DOCK4: variants seen among roughly 807,000 people sequenced by gnomAD.
The protein encoded by DOCK4 is dedicator of cytokinesis protein 4.
Under a neutral mutation model 268.1 loss-of-function variants are expected in DOCK4, and 97 were observed. That is an observed-to-expected ratio of 0.36 (90% confidence interval 0.31 to 0.43). DOCK4 has a LOEUF of 0.43. Ranked by LOEUF, DOCK4 falls within the 20% of genes least tolerant of loss-of-function variation. The pLI is 1.00. For synonymous variants in DOCK4, 954 were observed against 887.2 expected, an observed-to-expected ratio of 1.08 and a Z score of -1.34; for missense variants, 2,145 against 2,455.7, an observed-to-expected ratio of 0.87 and a Z score of 2.67.
chr7:111,825,334 C>T (rs1259634395), intron 26 of DOCK4, among the ~76,000 whole-genome samples: 2 of 152,124 alleles, frequency 1.3e-5, no homozygotes, highest in African/African-American at 4.8e-5. Context: ...AACTCAGTTC[C>T]AATACTCGAA....
intron 25 of DOCK4, 118 bp from the exon 26 acceptor site, chr7:111,834,804 C>A: frequency 1.6e-6 from 1 of 631,696 alleles, no homozygotes; most frequent in Non-Finnish European, 2.5e-6. Flanking sequence ...CACGATGATC[C>A]AAACTTGCCC....
At chr7:112,141,536 T>C (rs1814930309) in intron 1 of DOCK4, among the ~76,000 whole-genome samples, 2 of 152,148 alleles carry the variant, frequency 1.3e-5, no homozygotes, top group Non-Finnish European at 2.9e-5. Flanking sequence ...GAAGAAGAGA[T>C]TCTGACTCAA....
chr7:111,957,284 ATTG>A (rs1211965890), intron 8 of DOCK4, among the ~76,000 whole-genome samples: 2 of 152,334 alleles, frequency 1.3e-5, no homozygotes, highest in African/African-American at 4.8e-5. Context: ...ATTTTGATTT[ATTG>A]TTAAGAAATG....
intron 6 of DOCK4, among the ~76,000 whole-genome samples, 156 bp from the exon 7 acceptor site, chr7:111,984,546 T>C (rs979395940): frequency 2.0e-5 from 3 of 152,138 alleles, no homozygotes; most frequent in Admixed American, 2.0e-4. Flanking sequence ...GGGTAGACAA[T>C]ATAACTCCGC....
chr7:111,932,639 C>G (rs992353589), intron 12 of DOCK4, among the ~76,000 whole-genome samples: 1 of 151,998 alleles, frequency 6.6e-6, no homozygotes, highest in Non-Finnish European at 1.5e-5. Flanking sequence ...TAATAGCATA[C>G]ATTATTTATC....
At chr7:111,833,119 T>C (rs1282829510) in intron 26 of DOCK4, among the ~76,000 whole-genome samples, 1 of 152,236 alleles carries the variant, frequency 6.6e-6, no homozygotes, top group African/African-American at 2.4e-5. Flanking sequence ...ATTCTTTAAC[T>C]GTGTTAAGAA....
intron 16 of DOCK4, among the ~76,000 whole-genome samples, chr7:111,889,909 G>A (rs903519975): frequency 6.6e-6 from 1 of 152,174 alleles, no homozygotes; most frequent in Non-Finnish European, 1.5e-5. Context: ...CAAAACTCTA[G>A]CTTGTTTGAG....
chr7:111,977,544 T>C (rs539526590), intron 7 of DOCK4, among the ~76,000 whole-genome samples: 3 of 152,298 alleles, frequency 2.0e-5, no homozygotes, highest in African/African-American at 7.2e-5. Flanking sequence ...AATAAGAAAC[T>C]GTGAAGTTTA....
chr7:112,117,437 C>T (rs543348407), intron 1 of DOCK4, among the ~76,000 whole-genome samples: 3 of 152,142 alleles, frequency 2.0e-5, no homozygotes, highest in Admixed American at 2.0e-4. Context: ...GTGATGTGGT[C>T]TCAGCTCACT....
chr7:111,731,164 C>G (rs1795059330), intron 52 of DOCK4, among the ~76,000 whole-genome samples: 1 of 152,174 alleles, frequency 6.6e-6, no homozygotes. Context: ...ACAAAACGAG[C>G]AAATCACTTG....
chr7:112,206,335 G>A lies in DOCK4; in HGVS notation c.-197C>T, dbSNP rs1164176510. The A allele has an allele frequency of 3.3e-6, 2 of 614,060 alleles. No individual in the cohort carries two copies. Among genetic ancestry groups the A allele is most frequent in the East Asian group, 5.8e-5 (2 of 34,314 alleles). 38.0% of individuals were successfully genotyped at this position (614,060 alleles called of 1,614,324 possible). ...CTGCGCCGCCCGCAGCTCTCCCGGC[G>A]GCGGCTGCTCACAGTCCTCCGACGC... is the stretch of plus-strand genomic sequence containing the variant. On this transcript the variant is annotated 5_prime_UTR_variant, in exon 1 of 53. Transcript: ENST00000428084.
At chr7:111,883,966 G>C (rs368648986) in intron 16 of DOCK4, among the ~76,000 whole-genome samples, 1 of 152,146 alleles carries the variant, frequency 6.6e-6, no homozygotes, top group Admixed American at 6.6e-5. Context: ...GGGGTAGCAG[G>C]AGAGAATTCC....
At chr7:112,051,210 T>G (rs1195760077) in intron 1 of DOCK4, among the ~76,000 whole-genome samples, 2 of 152,114 alleles carry the variant, frequency 1.3e-5, no homozygotes, top group African/African-American at 4.8e-5. Flanking sequence ...TCTTGGTGGC[T>G]AGGCATTGTC....
In DOCK4 at chr7:112,065,332, G is replaced by C. The variant is rs188902686; in HGVS notation, c.38-61201C>G. Among the ~76,000 whole-genome samples the C allele has an allele frequency of 1.8e-4, 27 of 152,030 alleles. No homozygotes were observed. In the East Asian group the frequency reaches 5.0e-3, roughly 28 times the overall value. ...ACTTCCTTCAACTGGCTCTTTCTCA[G>C]CCTCCTAGTCCTGAGACTGCTTCCC... On this transcript the variant is annotated intron_variant, in intron 1 of 52. Transcript: ENST00000428084.
intron 1 of DOCK4, among the ~76,000 whole-genome samples, chr7:112,151,800 A>G (rs1483474830): frequency 2.0e-5 from 3 of 151,988 alleles, no homozygotes; most frequent in Non-Finnish European, 2.9e-5. Context: ...ATGAAGATTA[A>G]TATGACCCAA....
intron 5 of DOCK4, among the ~76,000 whole-genome samples, chr7:111,989,676 T>C (rs1024631310): frequency 1.3e-5 from 2 of 152,270 alleles, no homozygotes; most frequent in African/African-American, 4.8e-5. Flanking sequence ...TTGATGGATA[T>C]GCACTGCTAT....
intron 5 of DOCK4, among the ~76,000 whole-genome samples, chr7:111,991,143 T>C (rs931718715): frequency 2.0e-5 from 3 of 152,198 alleles, no homozygotes; most frequent in African/African-American, 7.2e-5. Flanking sequence ...GGACTTGATT[T>C]TCTGTGATGT....
intron 23 of DOCK4, among the ~76,000 whole-genome samples, chr7:111,850,080 C>G (rs188579761): frequency 6.6e-6 from 1 of 152,032 alleles, no homozygotes; most frequent in Non-Finnish European, 1.5e-5. Context: ...TGAGCTTATA[C>G]GTTAAAAAAA....
chr7:112,145,944 G>C (rs1056365511), intron 1 of DOCK4, among the ~76,000 whole-genome samples: 3 of 152,110 alleles, frequency 2.0e-5, no homozygotes. Context: ...TACTATATTA[G>C]AATGTGCTTA....
Sources: gnomAD v4.1 joint callset for allele counts (sites outside exome capture counted in the v4.1 genomes callset) on GRCh38, gnomAD v4.1.1 for gene constraint, MANE v1.5 for transcripts, NCBI Gene and HGNC (gene_info 2026-07-23, HGNC 2026-07-21) for gene names.